Variants in DDC observed in about 807,000 individuals in gnomAD.
DDC encodes the protein dopa decarboxylase.
In DDC, 43 loss-of-function variants were observed where a neutral mutation model predicts 60.0. That is an observed-to-expected ratio of 0.72 (90% confidence interval 0.56 to 0.92). DDC has a LOEUF of 0.92. Among genes scored for constraint, DDC ranks in the 40% least tolerant of loss-of-function variants. DDC has a pLI of 0.00. For synonymous variants in DDC, 232 were observed against 234.6 expected, an observed-to-expected ratio of 0.99 and a Z score of 0.10; for missense variants, 573 against 620.2, an observed-to-expected ratio of 0.92 and a Z score of 0.81.
At chr7:50,523,662 G>T (rs1457156753) in intron 6 of DDC, among the ~76,000 whole-genome samples, 1 of 152,074 alleles carries the variant, frequency 6.6e-6, no homozygotes, top group African/African-American at 2.4e-5. Context: ...AAAAAACACT[G>T]AAAAAAATTA....
At chr7:50,478,244 T>C (rs984078562) in intron 10 of DDC, among the ~76,000 whole-genome samples, 1 of 151,996 alleles carries the variant, frequency 6.6e-6, no homozygotes, top group African/African-American at 2.4e-5. Context: ...AACCAGATGA[T>C]TGTCATGAAT....
intron 6 of DDC, among the ~76,000 whole-genome samples, chr7:50,515,292 T>A (rs116688841): frequency 0.013 from 1,910 of 152,318 alleles, 36 homozygotes; most frequent in African/African-American, 0.044. Flanking sequence ...CCAAGAATTT[T>A]GTATCCAGCT....
intron 1 of DDC, among the ~76,000 whole-genome samples, chr7:50,554,379 T>A (rs756041502): frequency 1.6e-4 from 24 of 152,010 alleles, no homozygotes; most frequent in Non-Finnish European, 3.4e-4. Flanking sequence ...TACCTGAAAC[T>A]GCCGTGAAAG....
chr7:50,506,782 G>C (rs979577445), intron 6 of DDC, among the ~76,000 whole-genome samples: 2 of 152,232 alleles, frequency 1.3e-5, no homozygotes, highest in African/African-American at 4.8e-5. Context: ...AGACCTGCCC[G>C]GTCTATCAGG....
chr7:50,509,339 A>C (rs939164610), intron 6 of DDC, among the ~76,000 whole-genome samples: 1 of 152,218 alleles, frequency 6.6e-6, no homozygotes, highest in Non-Finnish European at 1.5e-5. Context: ...TGGTCCTTCC[A>C]TCTTCCTCAA....
intron 9 of DDC, chr7:50,492,848 G>A (rs1048660244): frequency 8.4e-6 from 13 of 1,550,600 alleles, no homozygotes; most frequent in Middle Eastern, 2.0e-4. Context: ...GCGCACAGCC[G>A]CCAACTTGCT....
intron 9 of DDC, among the ~76,000 whole-genome samples, chr7:50,488,628 A>G (rs1428122299): frequency 6.7e-6 from 1 of 149,614 alleles, no homozygotes; most frequent in Non-Finnish European, 1.5e-5. Flanking sequence ...AATTTATGAA[A>G]AAATATTTAT....
intron 6 of DDC, among the ~76,000 whole-genome samples, chr7:50,514,065 T>A (rs1295628962): frequency 6.6e-6 from 1 of 151,404 alleles, no homozygotes; most frequent in Non-Finnish European, 1.5e-5. Context: ...CCTCACGGAG[T>A]CCATTGCACC....
chr7:50,543,833 G>A (rs376538252), intron 2 of DDC, 52 bp downstream of exon 2: 357 of 1,530,888 alleles, frequency 2.3e-4, no homozygotes, highest in Non-Finnish European at 2.9e-4. Context: ...AGCCAAGTAG[G>A]TGCTATGTGA....
intron 4 of DDC, among the ~76,000 whole-genome samples, chr7:50,537,321 C>T (rs964051178): frequency 3.9e-5 from 6 of 152,208 alleles, no homozygotes; most frequent in Admixed American, 2.0e-4. Flanking sequence ...TGCTGTCCTC[C>T]GAGGAATATC....
rs79790849 is a variant in DDC at position 50,484,164 on chromosome 7, C to A, written c.945-4301G>T. 5.6e-3 allele frequency among the ~76,000 whole-genome samples: 859 copies of A among 152,228 alleles called. 6 individuals are homozygous for A. The highest frequency in any genetic ancestry group is 0.02 in the African/African-American group (827 of 41,538). ...ATTGTATTTTCTACTACAAGTTAATCTGTGTTTTCTTTATTTTTGACCTAT... is the reference window on the plus strand; with the variant it reads ...ATTGTATTTTCTACTACAAGTTAATATGTGTTTTCTTTATTTTTGACCTAT... On this transcript the variant is annotated intron_variant, in intron 9 of 14. Transcript: ENST00000444124.
chr7:50,564,148 C>G (rs999175352), intron 1 of DDC: 18 of 152,098 alleles, frequency 1.2e-4, no homozygotes, highest in African/African-American at 4.3e-4. Flanking sequence ...TAAGCAGCAC[C>G]AACATGTCCC....
Position 50,528,186 on chromosome 7 carries a change from A to G in DDC, c.665T>C (p.Leu222Pro). Residue 222 changes from leucine (L) to proline (P), a missense_variant, in exon 6 of 15, where the codon CTG becomes CCG. Coordinates refer to ENST00000444124, the MANE Select transcript of DDC (RefSeq NM_001082971.2). ...TTTGTCTCTCTCCAGGGCTTCCTGC[A>G]GGGCAGACGCACGCATGGCGAAGTT... ...DGNFAMRASA[L>P]QEALERDKAA... The G allele has an allele frequency of 6.2e-7, 1 of 1,613,952 alleles. No homozygotes were observed. The highest frequency in any genetic ancestry group is 1.7e-5 in the Admixed American group (1 of 60,028).
intron 11 of DDC, among the ~76,000 whole-genome samples, chr7:50,472,726 A>G (rs2042560951): frequency 1.3e-5 from 2 of 152,190 alleles, no homozygotes; most frequent in South Asian, 4.1e-4. Flanking sequence ...GAAAGAACAC[A>G]GAGCTCTCTT....
intron 4 of DDC, among the ~76,000 whole-genome samples, chr7:50,536,323 C>A (rs2044410312): frequency 6.6e-6 from 1 of 152,216 alleles, no homozygotes; most frequent in African/African-American, 2.4e-5. Flanking sequence ...CATCTCATGT[C>A]CCCCTAAAAT....
intron 7 of DDC, 55 bp downstream of exon 7, chr7:50,503,938 A>G (rs551851105): frequency 7.8e-7 from 1 of 1,282,280 alleles, no homozygotes; most frequent in Admixed American, 1.7e-5. Context: ...AGGTTTGCTA[A>G]ATTCCCCGTG....
At chr7:50,534,551 C>A (rs1045258806) in intron 4 of DDC, among the ~76,000 whole-genome samples, 2 of 151,666 alleles carry the variant, frequency 1.3e-5, no homozygotes, top group African/African-American at 4.8e-5. Flanking sequence ...GAGCTGAGAT[C>A]GTGCCACTGC....
At chr7:50,462,309 T>C (rs2042296408) in intron 14 of DDC, among the ~76,000 whole-genome samples, 1 of 150,206 alleles carries the variant, frequency 6.7e-6, no homozygotes. Context: ...GATAACCTAA[T>C]GAAGAGGCTT....
intron 11 of DDC, among the ~76,000 whole-genome samples, chr7:50,473,020 T>C (rs2042567364): frequency 1.3e-5 from 2 of 152,338 alleles, no homozygotes; most frequent in South Asian, 2.1e-4. Context: ...GCAAATGCTC[T>C]GGGGACATTT....
Sources: gnomAD v4.1 joint callset for allele counts (sites outside exome capture counted in the v4.1 genomes callset) on GRCh38, gnomAD v4.1.1 for gene constraint, MANE v1.5 for transcripts, NCBI Gene and HGNC (gene_info 2026-07-23, HGNC 2026-07-21) for gene names.